Variants in CDKL1 observed in about 807,000 individuals in gnomAD.
CDKL1 encodes the protein cyclin-dependent kinase-like 1.
Under a neutral mutation model 42.0 loss-of-function variants are expected in CDKL1, and 41 were observed. That is an observed-to-expected ratio of 0.98 (90% CI 0.76 to 1.27). CDKL1 has a LOEUF of 1.27. Among genes scored for constraint, CDKL1 ranks in the 50% most tolerant of loss-of-function variants. The probability of loss-of-function intolerance (pLI) is 0.00; values close to 1 mark genes in which losing one functional copy is unlikely to be tolerated. For synonymous variants in CDKL1, 153 were observed against 158.6 expected, an observed-to-expected ratio of 0.96 and a Z score of 0.26; for missense variants, 394 against 428.4, an observed-to-expected ratio of 0.92 and a Z score of 0.71.
intron 2 of CDKL1, among the ~76,000 whole-genome samples, chr14:50,391,675 G>A (rs1169297551): frequency 6.6e-6 from 1 of 152,112 alleles, no homozygotes; most frequent in Non-Finnish European, 1.5e-5. Context: ...GAGCCACCAT[G>A]CCTGGCCTAA....
At chr14:50,357,369 A>G (rs748258061) in intron 3 of CDKL1, 6 of 152,212 alleles carry the variant, frequency 3.9e-5, no homozygotes, top group Non-Finnish European at 7.3e-5. Context: ...AAGACTTGAA[A>G]GAGTTGTTGG....
intron 2 of CDKL1, among the ~76,000 whole-genome samples, chr14:50,385,070 C>CAAAAAAAAAAAAAAAAAAAAAAAAAAA (rs55719234): frequency 1.1e-5 from 1 of 93,568 alleles, no homozygotes; most frequent in Non-Finnish European, 2.0e-5. Flanking sequence ...GACTCTGTCT[C>CAAAAAAAAAAAAAAAAAAAAAAAAAAA]AAAAAAAAAA....
Position 50,361,703 on chromosome 14 carries a change from G to A in CDKL1, c.169-2554C>T, listed in dbSNP as rs191028829. Among the ~76,000 whole-genome samples, 1,304 of 152,320 alleles carry A rather than the reference G, an allele frequency of 8.6e-3. 14 individuals are homozygous for A. Among genetic ancestry groups the A allele is most frequent in the Non-Finnish European group, 0.011 (780 of 68,028 alleles). On this transcript the variant is annotated intron_variant, in intron 2 of 9. Coordinates refer to ENST00000395834, the MANE Select transcript of CDKL1 (RefSeq NM_004196.7). ...CTCTTAATACAGTTGCACTGGGGGT[G>A]AAGTTTCAACATGAATTTTGGAGGA...
At position 50,326,683 on chromosome 14, in the gene CDKL1, A is replaced by G. The variant is rs1362688224; in HGVS notation, c.*3391T>C. 29 of 985,248 alleles carry G rather than the reference A, an allele frequency of 2.9e-5. No individual in the cohort carries two copies. The highest frequency in any genetic ancestry group is 3.5e-5 in the Non-Finnish European group (29 of 829,884). The allele number at this position is 985,248 out of a possible 1,614,324, so 61.0% of individuals were successfully genotyped here. A position where few individuals can be genotyped will look rare whatever the true frequency, so the allele number is the denominator to read the frequency against. On this transcript the variant is annotated 3_prime_UTR_variant, in exon 10 of 10. Coordinates refer to ENST00000395834, the MANE Select transcript of CDKL1 (RefSeq NM_004196.7). ...TGGCTGAATACAAATAGTTTTGCAG[A>G]TTGCAATATAATAAAGGAAACAGTA...
At chr14:50,391,389 T>C (rs866489981) in intron 2 of CDKL1, among the ~76,000 whole-genome samples, 1 of 151,642 alleles carries the variant, frequency 6.6e-6, no homozygotes, top group African/African-American at 2.4e-5. Flanking sequence ...TTAAGGAGAG[T>C]GTATGTAAAG....
At chr14:50,350,651 G>T (rs1055584849) in intron 3 of CDKL1, among the ~76,000 whole-genome samples, 2 of 152,212 alleles carry the variant, frequency 1.3e-5, no homozygotes, top group African/African-American at 4.8e-5. Context: ...GCCTGGTCTG[G>T]TGGGCTTTAA....
intron 2 of CDKL1, among the ~76,000 whole-genome samples, chr14:50,389,276 T>C (rs2035182480): frequency 6.6e-6 from 1 of 152,000 alleles, no homozygotes; most frequent in Non-Finnish European, 1.5e-5. Flanking sequence ...TAAAATCAAA[T>C]GAGAGCCTAC....
chr14:50,392,579 C>A (rs1357030109), intron 2 of CDKL1, among the ~76,000 whole-genome samples: 1 of 151,986 alleles, frequency 6.6e-6, no homozygotes, highest in Non-Finnish European at 1.5e-5. Context: ...TCCTGACCCC[C>A]AAAGGCTGGG....
chr14:50,397,179 T>A (rs906893135), upstream of CDKL1: 3 of 1,366,624 alleles, frequency 2.2e-6, no homozygotes, highest in South Asian at 1.1e-5. Flanking sequence ...GAGCCCCTCC[T>A]GAGCGGTCCA....
chr14:50,332,146 T>C (rs555221414), intron 9 of CDKL1, 116 bp downstream of exon 9: 16 of 1,612,772 alleles, frequency 9.9e-6, no homozygotes, highest in Non-Finnish European at 1.3e-5. Flanking sequence ...TCCTATGACC[T>C]GTCTCCTAGT....
intron 2 of CDKL1, among the ~76,000 whole-genome samples, chr14:50,385,070 CAAAAAAAAAAAA>C (rs55719234): frequency 7.5e-5 from 7 of 93,556 alleles, no homozygotes; most frequent in South Asian, 4.6e-4. Flanking sequence ...GACTCTGTCT[CAAAAAAAAAAAA>C]AAAAAAAAAA....
chr14:50,328,082 A>G lies in CDKL1; in HGVS notation c.*1992T>C, dbSNP rs1275396128. The G allele has an allele frequency of 2.6e-5, 4 of 152,282 alleles. No individual in the cohort carries two copies. Among genetic ancestry groups the G allele is most frequent in the South Asian group, 2.1e-4 (1 of 4,834 alleles). The allele number at this position is 152,282 out of a possible 1,614,324, so 9.4% of individuals were successfully genotyped here. A position where few individuals can be genotyped will look rare whatever the true frequency, so the allele number is the denominator to read the frequency against. On this transcript the variant is annotated 3_prime_UTR_variant, in exon 10 of 10. Coordinates refer to ENST00000395834, the MANE Select transcript of CDKL1 (RefSeq NM_004196.7). ...TTTCTCAGGTTTGTTTCATTACTGTATGGTGAGACAACTGATTCACCACGA... is the reference window on the plus strand; with the variant it reads ...TTTCTCAGGTTTGTTTCATTACTGTGTGGTGAGACAACTGATTCACCACGA...
chr14:50,342,087 C>G, intron 5 of CDKL1, 45 bp downstream of exon 5: 1 of 1,518,364 alleles, frequency 6.6e-7, no homozygotes. Flanking sequence ...GTATCAAGAA[C>G]TTTTTCATTT....
chr14:50,345,998 T>C (rs916232520), intron 3 of CDKL1, among the ~76,000 whole-genome samples: 2 of 152,184 alleles, frequency 1.3e-5, no homozygotes, highest in African/African-American at 4.8e-5. Context: ...ATTTATTTTC[T>C]GAGACCCCAA....
Position 50,335,295 on chromosome 14 carries a change from CAA to C in CDKL1, c.739-676_739-675del, listed in dbSNP as rs55777134. On this transcript the variant is annotated intron_variant, in intron 7 of 9. Transcript: ENST00000395834. ...TGGGCGACAGAGCAAGACCCTGTCT[CAA>C]AAAAAAAAAAAAAAAAAAAAAAAGG... 4.8e-3 allele frequency among the ~76,000 whole-genome samples: 263 copies of C among 54,284 alleles called. 2 individuals carry two copies. Among genetic ancestry groups the C allele is most frequent in the Middle Eastern group, 0.013 (1 of 76 alleles). The allele number at this position is 54,284 out of a possible 152,430, so 35.6% of individuals were successfully genotyped here.
chr14:50,387,988 C>T (rs112724011), intron 2 of CDKL1, among the ~76,000 whole-genome samples: 31,459 of 152,100 alleles, frequency 0.21, 3,516 homozygotes, highest in Middle Eastern at 0.28. Context: ...CCTCCACCTC[C>T]CGGGTTCAAG....
chr14:50,366,925 T>G (rs2034451649), intron 2 of CDKL1, among the ~76,000 whole-genome samples: 1 of 152,140 alleles, frequency 6.6e-6, no homozygotes, highest in Non-Finnish European at 1.5e-5. Flanking sequence ...GGTGGGGATC[T>G]GAGACACCAA....
At chr14:50,332,601 C>T (rs1298817913) in intron 8 of CDKL1, 169 bp from the exon 9 acceptor site, 2 of 1,481,376 alleles carry the variant, frequency 1.4e-6, no homozygotes, top group Non-Finnish European at 1.8e-6. Flanking sequence ...TCCTAAATGG[C>T]ACTCACATAT....
intron 3 of CDKL1, among the ~76,000 whole-genome samples, chr14:50,353,635 C>T (rs115410577): frequency 6.6e-6 from 1 of 152,086 alleles, no homozygotes; most frequent in African/African-American, 2.4e-5. Flanking sequence ...GGAGATTGAA[C>T]TAAGAAATCA....
Sources: allele counts gnomAD v4.1 joint callset (sites outside exome capture counted in the v4.1 genomes callset), GRCh38; gene constraint gnomAD v4.1.1; transcripts MANE v1.5; gene names NCBI Gene and HGNC (gene_info 2026-07-23, HGNC 2026-07-21).